The following RAVER2 variants were observed in gnomAD, a reference collection of about 807,000 sequenced individuals.
RAVER2 encodes ribonucleoprotein PTB-binding 2.
A neutral mutation model predicts 78.1 loss-of-function variants in RAVER2; 46 were observed. The ratio of observed to expected loss-of-function variants is 0.59; its 90% CI spans 0.46 to 0.75. RAVER2 has a LOEUF of 0.75. Ranked by LOEUF, RAVER2 falls within the 30% of genes least tolerant of loss-of-function variation. The pLI is 0.00. For synonymous variants in RAVER2, 311 were observed against 313.3 expected, an observed-to-expected ratio of 0.99 and a Z score of 0.08; for missense variants, 793 against 837.5, an observed-to-expected ratio of 0.95 and a Z score of 0.66.
intron 1 of RAVER2, among the ~76,000 whole-genome samples, chr1:64,764,329 T>C (rs1652114172): frequency 6.6e-6 from 1 of 151,548 alleles, no homozygotes; most frequent in East Asian, 1.9e-4. Flanking sequence ...GTCCTAATAG[T>C]TGATTACCCA....
At chr1:64,802,876 A>G (rs1337756707) in intron 5 of RAVER2, 100 bp from the exon 6 acceptor site, 31 of 674,564 alleles carry the variant, frequency 4.6e-5, no homozygotes, top group Non-Finnish European at 6.2e-5. Context: ...GGATTTGTTA[A>G]TAGTTTAAAG....
chr1:64,828,165 C>G (rs1039189298), intron 11 of RAVER2, among the ~76,000 whole-genome samples: 2 of 130,136 alleles, frequency 1.5e-5, no homozygotes, highest in Non-Finnish European at 3.2e-5. Context: ...CCACCCCCCC[C>G]ACCCCCCGCC....
intron 2 of RAVER2, among the ~76,000 whole-genome samples, chr1:64,770,220 T>A (rs1276560143): frequency 1.3e-5 from 2 of 152,008 alleles, no homozygotes; most frequent in Admixed American, 6.6e-5. Context: ...ATTTCAATGT[T>A]ACAGATATTG....
chr1:64,745,926 T>C lies in RAVER2; in HGVS notation c.249+505T>C, dbSNP rs1438682911. Among the ~76,000 whole-genome samples the C allele has an allele frequency of 6.6e-6, 1 of 152,146 alleles. No individual in the cohort carries two copies. The highest frequency in any genetic ancestry group is 2.4e-5 in the African/African-American group (1 of 41,442). ...GTTTCGCTGTTGTTGCAGAAGCACT[T>C]GCCCAAGTTTCTATGAAACAACTCT... On this transcript the variant is annotated intron_variant, in intron 1 of 11. Coordinates refer to ENST00000294428, the Ensembl canonical transcript of RAVER2. This position sits in a 1 kb window ranked among gnomAD's most constrained non-coding sequence, Gnocchi z 4.3.
At chr1:64,797,900 T>A (rs1325286489) in intron 5 of RAVER2, among the ~76,000 whole-genome samples, 1 of 151,940 alleles carries the variant, frequency 6.6e-6, no homozygotes, top group Non-Finnish European at 1.5e-5. Flanking sequence ...TGTGTGACTT[T>A]AAAGTAATGT....
intron 8 of RAVER2, among the ~76,000 whole-genome samples, chr1:64,805,481 T>TA (rs2100875307): frequency 6.6e-6 from 1 of 152,224 alleles, no homozygotes; most frequent in Non-Finnish European, 1.5e-5. Context: ...ATCTAGTATT[T>TA]ATAAATTTAA....
At position 64,764,978 on chromosome 1, in the gene RAVER2, G is replaced by A. The variant is rs118132098; in HGVS notation, c.250-3678G>A. The stretch of plus-strand genomic sequence containing the variant: ...GTGTTTGATTAAATAACTGGACACT[G>A]TAGCTAAATTGACACATAAAACTAA... On this transcript the variant is annotated intron_variant, in intron 1 of 11. Transcript: ENST00000294428. Among the ~76,000 whole-genome samples the A allele has an allele frequency of 5.3e-4, 80 of 152,320 alleles. No individual in the cohort carries two copies. In the East Asian group the frequency reaches 0.014, roughly 26 times the overall value.
intron 11 of RAVER2, among the ~76,000 whole-genome samples, chr1:64,824,950 A>T (rs1653974478): frequency 6.9e-6 from 1 of 144,614 alleles, no homozygotes; most frequent in Non-Finnish European, 1.6e-5. Flanking sequence ...AAAAAAAAAA[A>T]AAAAAAAAAT....
chr1:64,809,203 A>G (rs1293591701), intron 9 of RAVER2, among the ~76,000 whole-genome samples: 2 of 152,196 alleles, frequency 1.3e-5, no homozygotes, highest in African/African-American at 4.8e-5. Context: ...CTTTTAAGCA[A>G]AGAGAAAGTT....
intron 9 of RAVER2, among the ~76,000 whole-genome samples, chr1:64,809,497 T>TAAAA (rs386367196): frequency 2.0e-5 from 3 of 148,592 alleles, no homozygotes; most frequent in Non-Finnish European, 4.4e-5. Context: ...CAAAAATAAA[T>TAAAA]AAATAAATAA....
At chr1:64,766,448 G>A (rs553288913) in intron 1 of RAVER2, among the ~76,000 whole-genome samples, 6 of 152,114 alleles carry the variant, frequency 3.9e-5, no homozygotes, top group African/African-American at 1.4e-4. Flanking sequence ...AGCAACCAGG[G>A]CATGGAGAAA....
intron 1 of RAVER2, among the ~76,000 whole-genome samples, chr1:64,751,667 G>A (rs1651701814): frequency 6.6e-6 from 1 of 152,120 alleles, no homozygotes; most frequent in Admixed American, 6.6e-5. Context: ...CATAATCATA[G>A]TGCACTGCAC....
chr1:64,795,974 A>G (rs1445459265), intron 5 of RAVER2, among the ~76,000 whole-genome samples: 3 of 151,834 alleles, frequency 2.0e-5, no homozygotes, highest in Non-Finnish European at 4.4e-5. Context: ...TTTACCATCT[A>G]TTTCTAATTG....
intron 11 of RAVER2, among the ~76,000 whole-genome samples, chr1:64,827,476 C>T (rs935240755): frequency 6.6e-6 from 1 of 152,132 alleles, no homozygotes; most frequent in African/African-American, 2.4e-5. Flanking sequence ...TGGGTGCAAA[C>T]TATTCATAGA....
At chr1:64,790,623 C>G (rs1322769442) in intron 5 of RAVER2, among the ~76,000 whole-genome samples, 1 of 152,022 alleles carries the variant, frequency 6.6e-6, no homozygotes. Flanking sequence ...ATTTTCTATC[C>G]ATGAAATTAT....
intron 6 of RAVER2, among the ~76,000 whole-genome samples, chr1:64,803,995 G>A (rs1193150203): frequency 1.3e-5 from 2 of 152,140 alleles, no homozygotes; most frequent in African/African-American, 4.8e-5. Flanking sequence ...ATACATTTGA[G>A]CTGGCCCCTC....
chr1:64,767,221 A>G (rs1037199392), intron 1 of RAVER2, among the ~76,000 whole-genome samples: 2 of 151,892 alleles, frequency 1.3e-5, no homozygotes, highest in Admixed American at 1.3e-4. Context: ...CTTCTTATTT[A>G]TTATCCATTT....
intron 1 of RAVER2, among the ~76,000 whole-genome samples, chr1:64,751,947 C>G (rs1651710083): frequency 6.6e-6 from 1 of 152,104 alleles, no homozygotes; most frequent in African/African-American, 2.4e-5. Flanking sequence ...TACACAATTG[C>G]CTGACTCTAA....
intron 5 of RAVER2, among the ~76,000 whole-genome samples, chr1:64,790,292 C>G (rs1257533828): frequency 2.0e-5 from 3 of 152,156 alleles, no homozygotes; most frequent in Non-Finnish European, 4.4e-5. Context: ...AAATGTTTTG[C>G]CATTCTGCTT....
Sources: allele counts gnomAD v4.1 joint callset (sites outside exome capture counted in the v4.1 genomes callset), GRCh38; gene constraint gnomAD v4.1.1; non-coding constraint Gnocchi (gnomAD v3.1); transcripts MANE v1.5; gene names NCBI Gene and HGNC (gene_info 2026-07-23, HGNC 2026-07-21).